The following AKAP13 variants were observed in gnomAD, a reference collection of about 807,000 sequenced individuals.
AKAP13 encodes the protein A-kinase anchor protein 13.
A neutral mutation model predicts 264.5 loss-of-function variants in AKAP13; 80 were observed. The observed-to-expected ratio is 0.30, with a 90% CI of 0.25 to 0.36. AKAP13 has a LOEUF of 0.36. AKAP13 is among the 10% of genes least tolerant of loss of function. AKAP13 has a pLI of 1.00. For synonymous variants in AKAP13, 1,380 were observed against 1,250.2 expected (o/e 1.10, Z -2.19); for missense variants, 3,712 against 3,435.2 (o/e 1.08, Z -2.01).
Position 85,718,913 on chromosome 15 carries a change from AAAAC to A in AKAP13, c.6002-159_6002-156del. 3 of 1,059,632 alleles carry A rather than the reference AAAAC, an allele frequency of 2.8e-6. No homozygotes were observed. Among genetic ancestry groups the A allele is most frequent in the Non-Finnish European group, 4.0e-6 (3 of 757,034 alleles). The allele number at this position is 1,059,632 out of a possible 1,614,324, so 65.6% of individuals were successfully genotyped here. A position where few individuals can be genotyped will look rare whatever the true frequency, so the allele number is the denominator to read the frequency against. On this transcript the variant is annotated intron_variant, in intron 22 of 36. Transcript: ENST00000394518. The surrounding 1 kb of genome is among the most constrained non-coding windows in gnomAD (Gnocchi z 4.9). ...GAACCTGTCTTAAAAAAAAAACAAAAAAACAAAAAAACGAGAACACTTTTAGGGG... is the reference window on the plus strand; with the variant it reads ...GAACCTGTCTTAAAAAAAAAACAAAAAAAAAAACGAGAACACTTTTAGGGG...
At chr15:85,634,854 T>TA (rs397802477) in intron 8 of AKAP13, among the ~76,000 whole-genome samples, 8 of 150,192 alleles carry the variant, frequency 5.3e-5, no homozygotes, top group African/African-American at 1.7e-4. Flanking sequence ...TTTTTTTTTT[T>TA]AACTTACCGT....
chr15:85,532,126 C>CTT, intron 3 of AKAP13, among the ~76,000 whole-genome samples: 1 of 152,302 alleles, frequency 6.6e-6, no homozygotes, highest in East Asian at 1.9e-4. Context: ...GGAGAGATGA[C>CTT]TGTCAGATGC....
intron 8 of AKAP13, among the ~76,000 whole-genome samples, chr15:85,593,381 A>G (rs563718451): frequency 6.6e-6 from 1 of 152,244 alleles, no homozygotes; most frequent in Admixed American, 6.5e-5. Flanking sequence ...CATTTGGACC[A>G]AAAGGACAAT....
chr15:85,710,372 G>A (rs2086572804), intron 18 of AKAP13: 3 of 459,046 alleles, frequency 6.5e-6, no homozygotes, highest in Non-Finnish European at 1.2e-5. Flanking sequence ...AGCATTCCAG[G>A]CAGGATAGAC....
chr15:85,743,094 C>T (rs1270875511), intron 35 of AKAP13, among the ~76,000 whole-genome samples: 1 of 152,102 alleles, frequency 6.6e-6, no homozygotes, highest in East Asian at 1.9e-4. Flanking sequence ...CCGGAACAGG[C>T]TTCTATAATC....
At chr15:85,728,230 A>G (rs901168724) in intron 29 of AKAP13, among the ~76,000 whole-genome samples, 1 of 152,222 alleles carries the variant, frequency 6.6e-6, no homozygotes, top group African/African-American at 2.4e-5. Flanking sequence ...GAATGTTTCA[A>G]AGTAAAGACT....
chr15:85,542,392 A>C lies in AKAP13; in HGVS notation c.479-1380A>C, dbSNP rs551145201. On this transcript the variant is annotated intron_variant, in intron 4 of 36. Coordinates refer to ENST00000394518, the MANE Select transcript of AKAP13 (RefSeq NM_007200.5). ...TTTACCTTGGAAATAGGGATACCAG[A>C]CTAATACACAGATGACATTTGGAAA... Among the ~76,000 whole-genome samples, 18 of 152,352 alleles carry C rather than the reference A, an allele frequency of 1.2e-4. No individual in the cohort carries two copies. In the East Asian group the frequency reaches 2.7e-3, roughly 23 times the overall value.
In AKAP13 at chr15:85,579,310, C is replaced by G. The variant is rs771347175; in HGVS notation, c.1242C>G (p.Gly414=). 16 of 1,614,064 alleles carry G rather than the reference C, an allele frequency of 9.9e-6. No homozygotes were observed. The Admixed American group carries it at 2.2e-4, about 22-fold the overall frequency. ...LPDCGVKGTE[G]LSSCGNRNEE... ...ATTGTGGAGTAAAGGGCACGGAAGG[C>G]CTTTCGTCCTGTGGAAACAGAAATG... Residue 414 remains glycine, a synonymous_variant, in exon 7 of 37, where the codon GGC becomes GGG. Coordinates refer to ENST00000394518, the MANE Select transcript of AKAP13 (RefSeq NM_007200.5).
intron 14 of AKAP13, among the ~76,000 whole-genome samples, chr15:85,673,811 G>A (rs368025497): frequency 6.7e-5 from 10 of 149,724 alleles, no homozygotes; most frequent in African/African-American, 1.5e-4. Flanking sequence ...TCAACCTCCC[G>A]AGTAGCTGGG....
chr15:85,721,792 C>T (rs774456764), intron 23 of AKAP13, among the ~76,000 whole-genome samples, 199 bp from the exon 24 acceptor site: 3 of 152,148 alleles, frequency 2.0e-5, no homozygotes, highest in Non-Finnish European at 4.4e-5. Flanking sequence ...ATCCATATGC[C>T]ATATAGTCTA....
chr15:85,642,036 A>G (rs1242322889), intron 9 of AKAP13, among the ~76,000 whole-genome samples: 3 of 152,246 alleles, frequency 2.0e-5, no homozygotes, highest in Non-Finnish European at 4.4e-5. Flanking sequence ...CAAAAATTAC[A>G]GACAGATTTA....
chr15:85,524,823 G>A (rs1290811313), intron 3 of AKAP13, among the ~76,000 whole-genome samples: 1 of 151,812 alleles, frequency 6.6e-6, no homozygotes, highest in Non-Finnish European at 1.5e-5. Flanking sequence ...AATGAAGTGT[G>A]TGTGTGTCTG....
intron 2 of AKAP13, among the ~76,000 whole-genome samples, chr15:85,495,605 A>G (rs979572950): frequency 2.0e-5 from 3 of 152,180 alleles, no homozygotes; most frequent in Non-Finnish European, 4.4e-5. Flanking sequence ...CCAGTGAGTT[A>G]CTCAGATGTG....
intron 8 of AKAP13, among the ~76,000 whole-genome samples, chr15:85,634,265 C>T (rs2081982609): frequency 6.6e-6 from 1 of 152,130 alleles, no homozygotes; most frequent in African/African-American, 2.4e-5. Flanking sequence ...CTGCCTTATG[C>T]CACTTAGCAT....
intron 5 of AKAP13, among the ~76,000 whole-genome samples, chr15:85,549,960 A>G (rs2077895209): frequency 6.6e-6 from 1 of 152,194 alleles, no homozygotes; most frequent in South Asian, 2.1e-4. Context: ...GCTGTCACCC[A>G]GGCTGGAGTG....
chr15:85,531,061 A>G (rs184307169), intron 3 of AKAP13, among the ~76,000 whole-genome samples: 61 of 152,184 alleles, frequency 4.0e-4, no homozygotes, highest in African/African-American at 7.9e-4. Context: ...GAGTCTTGCC[A>G]TGTTCGCCAG....
At chr15:85,586,942 A>G (rs2079385114) in intron 8 of AKAP13, among the ~76,000 whole-genome samples, 2 of 23,094 alleles carry the variant, frequency 8.7e-5, no homozygotes, top group East Asian at 1.2e-3. Context: ...AAAAAAAAAT[A>G]AGAGAATAAA....
chr15:85,480,721 C>T (rs1197028247), intron 1 of AKAP13, among the ~76,000 whole-genome samples: 1 of 151,990 alleles, frequency 6.6e-6, no homozygotes, highest in East Asian at 1.9e-4. Context: ...GAGTTTCTCT[C>T]TTGTTGCCCA....
At chr15:85,644,896 A>G (rs2082484080) in intron 9 of AKAP13, among the ~76,000 whole-genome samples, 2 of 152,100 alleles carry the variant, frequency 1.3e-5, no homozygotes, top group Admixed American at 1.3e-4. Flanking sequence ...CCGTGTTGGT[A>G]CCCAGTCACA....
Sources: gnomAD v4.1 joint callset for allele counts (sites outside exome capture counted in the v4.1 genomes callset) on GRCh38, gnomAD v4.1.1 for gene constraint, Gnocchi (gnomAD v3.1) non-coding constraint, MANE v1.5 for transcripts, NCBI Gene and HGNC (gene_info 2026-07-23, HGNC 2026-07-21) for gene names.